The following GRIA1 variants were observed in gnomAD, a reference collection of about 807,000 sequenced individuals.
The protein encoded by GRIA1 is glutamate receptor 1.
In GRIA1, 31 loss-of-function variants were observed where a neutral mutation model predicts 99.2. That is an observed-to-expected ratio of 0.31 (90% CI 0.23 to 0.42). GRIA1 has a LOEUF of 0.42. GRIA1 is among the 10% of genes least tolerant of loss of function. The probability of loss-of-function intolerance (pLI) is 1.00; values close to 1 mark genes in which losing one functional copy is unlikely to be tolerated. For missense variants in GRIA1, 782 were observed against 1,157.5 expected (o/e 0.68, Z 4.71); for synonymous variants, 438 against 432.4 (o/e 1.01, Z -0.16).
chr5:153,669,404 C>T (rs1292732237), intron 5 of GRIA1, among the ~76,000 whole-genome samples: 1 of 152,100 alleles, frequency 6.6e-6, no homozygotes, highest in Admixed American at 6.5e-5. Flanking sequence ...TTCAGTGGAG[C>T]ACTTAACAGC....
At chr5:153,638,395 T>C (rs1274733266) in intron 2 of GRIA1, among the ~76,000 whole-genome samples, 3 of 152,258 alleles carry the variant, frequency 2.0e-5, no homozygotes, top group Non-Finnish European at 2.9e-5. Context: ...ATTTATGAAA[T>C]ACTGCAATCA....
In GRIA1 at chr5:153,672,485, G is replaced by A. The variant is rs1005965362; in HGVS notation, c.700-2015G>A. Among the ~76,000 whole-genome samples, 9 of 152,270 alleles carry A rather than the reference G, an allele frequency of 5.9e-5. No homozygotes were observed. The East Asian group carries it at 1.7e-3, about 29-fold the overall frequency. ...CTAGCTGAGATCCAAAAAATGGAAA[G>A]GAGCCAGACAGGGAAATCACATTTC... On this transcript the variant is annotated intron_variant, in intron 5 of 15. Transcript: ENST00000285900.
chr5:153,795,661 G>A (rs1322459467), intron 14 of GRIA1: 34 of 875,586 alleles, frequency 3.9e-5, no homozygotes, highest in Non-Finnish European at 6.1e-5. Context: ...TGTCCTCCGA[G>A]CCTCAGAGAG....
chr5:153,724,108 C>G (rs759894783), intron 11 of GRIA1, among the ~76,000 whole-genome samples: 3 of 152,192 alleles, frequency 2.0e-5, no homozygotes, highest in African/African-American at 7.2e-5. Flanking sequence ...GGTTCTGCAG[C>G]CACCGCTGCT....
At chr5:153,489,958 G>C (rs1000003670), upstream of GRIA1, 1 of 406,996 alleles carries the variant, frequency 2.5e-6, no homozygotes, top group Non-Finnish European at 4.9e-6. Flanking sequence ...AGAGACCACC[G>C]TTTCACTTGT....
intron 2 of GRIA1, among the ~76,000 whole-genome samples, chr5:153,628,776 C>T (rs1767874953): frequency 6.6e-6 from 1 of 151,960 alleles, no homozygotes; most frequent in Non-Finnish European, 1.5e-5. Context: ...ATTATTGATT[C>T]CTTTTTATAA....
intron 2 of GRIA1, among the ~76,000 whole-genome samples, chr5:153,508,242 T>C (rs1469238116): frequency 6.6e-6 from 1 of 152,186 alleles, no homozygotes; most frequent in Non-Finnish European, 1.5e-5. Context: ...TTCTGCAGTG[T>C]TGGGAGACAT....
intron 11 of GRIA1, among the ~76,000 whole-genome samples, chr5:153,714,587 C>A (rs935066226): frequency 2.4e-4 from 37 of 152,188 alleles, no homozygotes; most frequent in African/African-American, 8.2e-4. Context: ...TTCTTTTAAA[C>A]CCTCACTGGA....
chr5:153,591,117 C>T (rs551823462), intron 2 of GRIA1, among the ~76,000 whole-genome samples: 6 of 152,214 alleles, frequency 3.9e-5, no homozygotes, highest in Admixed American at 2.6e-4. Context: ...CTGAAGAGAG[C>T]GAAGAGTTGA....
Position 153,811,476 on chromosome 5 carries a change from A to G in GRIA1, c.*251A>G, listed in dbSNP as rs1251094560. On this transcript the variant is annotated 3_prime_UTR_variant, in exon 16 of 16. Coordinates refer to ENST00000285900, the MANE Select transcript of GRIA1 (RefSeq NM_000827.4). The stretch of plus-strand genomic sequence containing the variant: ...GAAAAAATAACACTGTACTGCAATA[A>G]GGGGAGAGTAACCCTGTCTAATGAA... 9.0e-6 allele frequency: 4 copies of G among 446,660 alleles called. No individual in the cohort carries two copies. The highest frequency in any genetic ancestry group is 6.0e-5 in the African/African-American group (3 of 50,262). The allele number at this position is 446,660 out of a possible 1,614,324, so 27.7% of individuals were successfully genotyped here.
intron 2 of GRIA1, among the ~76,000 whole-genome samples, chr5:153,589,395 T>C (rs1763769827): frequency 1.3e-5 from 2 of 152,194 alleles, no homozygotes; most frequent in East Asian, 3.8e-4. Flanking sequence ...TTCATTTTAA[T>C]TAAGTACATT....
chr5:153,656,911 T>G (rs374648118), intron 5 of GRIA1, among the ~76,000 whole-genome samples: 1 of 152,186 alleles, frequency 6.6e-6, no homozygotes, highest in South Asian at 2.1e-4. Context: ...TCTATCCGTA[T>G]GTATTTGCCT....
chr5:153,806,237 T>G (rs1039473548), intron 15 of GRIA1, among the ~76,000 whole-genome samples: 7 of 152,104 alleles, frequency 4.6e-5, no homozygotes, highest in African/African-American at 1.7e-4. Flanking sequence ...CAGTATTTGG[T>G]CCACTCTTTT....
intron 6 of GRIA1, among the ~76,000 whole-genome samples, chr5:153,676,345 C>T (rs1432245454): frequency 6.6e-6 from 1 of 152,166 alleles, no homozygotes; most frequent in Non-Finnish European, 1.5e-5. Context: ...TCCTGGACTG[C>T]TCTCCTGATT....
At chr5:153,612,621 T>C (rs1196891108) in intron 2 of GRIA1, among the ~76,000 whole-genome samples, 1 of 152,260 alleles carries the variant, frequency 6.6e-6, no homozygotes, top group Non-Finnish European at 1.5e-5. Context: ...ATTGAACTAC[T>C]GGCAAATAGG....
chr5:153,643,008 A>T (rs1036880783), intron 2 of GRIA1, among the ~76,000 whole-genome samples: 1 of 152,128 alleles, frequency 6.6e-6, no homozygotes, highest in East Asian at 1.9e-4. Context: ...CAACTCCTGC[A>T]GAGTAGTGAT....
chr5:153,595,746 T>A (rs1288263278), intron 2 of GRIA1, among the ~76,000 whole-genome samples: 2 of 148,130 alleles, frequency 1.4e-5, no homozygotes, highest in African/African-American at 4.9e-5. Context: ...TAATATAATA[T>A]AATATATATA....
intron 2 of GRIA1, among the ~76,000 whole-genome samples, chr5:153,550,144 C>T (rs896260658): frequency 2.7e-4 from 36 of 133,788 alleles, no homozygotes; most frequent in African/African-American, 8.2e-4. Flanking sequence ...CAGGATTCAG[C>T]AGGTGTTTTA....
At chr5:153,705,662 ATTTTT>A (rs70978505) in intron 10 of GRIA1, 30 bp from the exon 11 acceptor site, 983 of 751,534 alleles carry the variant, frequency 1.3e-3, no homozygotes, top group African/African-American at 3.0e-3. Context: ...GCTCACCTGC[ATTTTT>A]TTTTTTTTTT....
Sources: allele counts gnomAD v4.1 joint callset (sites outside exome capture counted in the v4.1 genomes callset), GRCh38; gene constraint gnomAD v4.1.1; transcripts MANE v1.5; gene names NCBI Gene and HGNC (gene_info 2026-07-23, HGNC 2026-07-21).